Variants in GPR63 observed in about 807,000 individuals in gnomAD.
GPR63 encodes G protein-coupled receptor 63, also known as probable G protein-coupled receptor 63.
In GPR63, 12 loss-of-function variants were observed where a neutral mutation model predicts 23.1. That is an observed-to-expected ratio of 0.52 (90% CI 0.33 to 0.84). GPR63 has a LOEUF of 0.84. Among genes scored for constraint, GPR63 ranks in the 40% least tolerant of loss-of-function variants. GPR63 has a pLI of 0.02. For missense variants in GPR63, 472 were observed against 515.6 expected, an observed-to-expected ratio of 0.92 and a Z score of 0.82; for synonymous variants, 172 against 191.1, an observed-to-expected ratio of 0.90 and a Z score of 0.82.
intron 1 of GPR63, among the ~76,000 whole-genome samples, chr6:96,809,082 T>C (rs1773974650): frequency 6.6e-6 from 1 of 152,076 alleles, no homozygotes; most frequent in South Asian, 2.1e-4. Context: ...TTATTTTGAC[T>C]GTATCTCTAC....
intron 1 of GPR63, among the ~76,000 whole-genome samples, chr6:96,827,492 T>A (rs756691441): frequency 1.3e-5 from 2 of 152,144 alleles, no homozygotes; most frequent in Non-Finnish European, 2.9e-5. Context: ...GTTTCCAGAA[T>A]TCCTGAAAAA....
chr6:96,835,341 G>C (rs1774698163), intron 1 of GPR63, among the ~76,000 whole-genome samples: 1 of 151,790 alleles, frequency 6.6e-6, no homozygotes, highest in African/African-American at 2.4e-5. Context: ...TACAGATATG[G>C]TATATATAGT....
chr6:96,810,497 GAA>G (rs5878448), intron 1 of GPR63, among the ~76,000 whole-genome samples: 36,365 of 126,506 alleles, frequency 0.29, 4,578 homozygotes, highest in Admixed American at 0.35. Flanking sequence ...TCCGTCCCAG[GAA>G]AAAAAAAAAA....
chr6:96,799,737 C>CA lies in GPR63; in HGVS notation c.-7dup, dbSNP rs921263308. ...AACACTGCCGAGAAGACCATGGTTTCAGTAGGATGGAAGATGCAAGCAGAG... is the reference window on the plus strand; with the variant it reads ...AACACTGCCGAGAAGACCATGGTTTCAAGTAGGATGGAAGATGCAAGCAGAG... On this transcript the variant is annotated 5_prime_UTR_variant, in exon 2 of 2. An upstream open reading frame in the 5' UTR loses its in-frame stop. Coordinates refer to ENST00000229955, the MANE Select transcript of GPR63 (RefSeq NM_030784.4). The CA allele has an allele frequency of 6.2e-7, 1 of 1,614,062 alleles. No homozygotes were observed. Among genetic ancestry groups the CA allele is most frequent in the African/African-American group, 1.3e-5 (1 of 75,012 alleles).
At chr6:96,819,845 G>C (rs553291648) in intron 1 of GPR63, among the ~76,000 whole-genome samples, 45 of 151,176 alleles carry the variant, frequency 3.0e-4, no homozygotes, top group Non-Finnish European at 5.8e-4. Flanking sequence ...GCGTGGTGGC[G>C]GGCGCCTGTA....
chr6:96,807,708 A>ACTT, intron 1 of GPR63, among the ~76,000 whole-genome samples: 2 of 152,224 alleles, frequency 1.3e-5, no homozygotes, highest in Non-Finnish European at 2.9e-5. Flanking sequence ...CCAGAAGCAT[A>ACTT]AAGGAATAGA....
intron 1 of GPR63, among the ~76,000 whole-genome samples, chr6:96,817,731 G>A (rs767823354): frequency 1.1e-4 from 17 of 151,776 alleles, no homozygotes; most frequent in Admixed American, 3.9e-4. Context: ...ACAAAAGACA[G>A]ACACAAATAT....
rs538288426 is a variant in GPR63 at position 96,806,077 on chromosome 6, C to T, written c.-150-6196G>A. Among the ~76,000 whole-genome samples the T allele has an allele frequency of 7.2e-5, 11 of 152,254 alleles. No homozygotes were observed. The East Asian group carries it at 1.2e-3, about 16-fold the overall frequency. ...TCAGGGCTCTGTCAAGTCTCCAGCA[C>T]GCTATCATAATCTCGTTCACAGGGA... On this transcript the variant is annotated intron_variant, in intron 1 of 1. Coordinates refer to ENST00000229955, the MANE Select transcript of GPR63 (RefSeq NM_030784.4).
At chr6:96,814,547 G>A (rs1210526090) in intron 1 of GPR63, among the ~76,000 whole-genome samples, 1 of 152,112 alleles carries the variant, frequency 6.6e-6, no homozygotes, top group Non-Finnish European at 1.5e-5. Flanking sequence ...CAGCTGGTGG[G>A]AGGACCGTGA....
rs569464867 is a variant in GPR63, at chr6:96,798,266, A to G, written c.*206T>C. 1.6e-5 allele frequency: 9 copies of G among 546,372 alleles called. No individual in the cohort carries two copies. In the South Asian group the frequency reaches 3.3e-4, roughly 20 times the overall value. 33.8% of individuals were successfully genotyped at this position (546,372 alleles called of 1,614,324 possible). On this transcript the variant is annotated 3_prime_UTR_variant, in exon 2 of 2. Coordinates refer to ENST00000229955, the MANE Select transcript of GPR63 (RefSeq NM_030784.4). Reference sequence around the variant, plus strand: ...TCCTCACCCTAAATTGAGGATTTCTATTGAACCCTGGAGGTAATATTTGTA... The same window carrying G: ...TCCTCACCCTAAATTGAGGATTTCTGTTGAACCCTGGAGGTAATATTTGTA...
intron 1 of GPR63, among the ~76,000 whole-genome samples, chr6:96,823,950 A>G (rs1052747627): frequency 5.3e-5 from 8 of 152,118 alleles, no homozygotes; most frequent in African/African-American, 2.4e-5. Context: ...AGTGCACACT[A>G]TGACGTTAAC....
intron 1 of GPR63, among the ~76,000 whole-genome samples, chr6:96,829,958 T>C (rs1016163188): frequency 6.6e-6 from 1 of 152,196 alleles, no homozygotes; most frequent in Admixed American, 6.5e-5. Flanking sequence ...ATACATTATA[T>C]ACAATAAATT....
In GPR63 at chr6:96,799,467, T is replaced by A; in HGVS notation, c.265A>T (p.Ile89Leu). 6.2e-7 allele frequency: 1 copy of A among 1,613,960 alleles called. No homozygotes were observed. The highest frequency in any genetic ancestry group is 1.3e-5 in the African/African-American group (1 of 74,970). Residue 89 changes from isoleucine to leucine, a missense_variant, in exon 2 of 2, where the codon ATA becomes TTA. By Grantham distance (5) the Ile-to-Leu change is conservative (BLOSUM62 2). Coordinates refer to ENST00000229955, the MANE Select transcript of GPR63 (RefSeq NM_030784.4). Reference sequence around the variant, plus strand: ...AGAAAAGACACAAACAGAATGAATATCATTATAGCAGAAAGGGTGATCTGA... The same window carrying A: ...AGAAAAGACACAAACAGAATGAATAACATTATAGCAGAAAGGGTGATCTGA... ...PLQITLSAIM[I>L]FILFVSFLGN...
intron 1 of GPR63, among the ~76,000 whole-genome samples, chr6:96,821,434 A>G (rs960891024): frequency 6.6e-6 from 1 of 152,130 alleles, no homozygotes; most frequent in Non-Finnish European, 1.5e-5. Context: ...CTCTTCCTCT[A>G]ACTCACCCTT....
At chr6:96,827,045 C>CT (rs1774457015) in intron 1 of GPR63, among the ~76,000 whole-genome samples, 1 of 76,574 alleles carries the variant, frequency 1.3e-5, no homozygotes. Flanking sequence ...TGAACACAGT[C>CT]TAAAAAAAAA....
rs144906326 is a variant in GPR63 at position 96,820,240 on chromosome 6, C to T, written c.-151+17028G>A. On this transcript the variant is annotated intron_variant, in intron 1 of 1. Transcript: ENST00000229955. ...TTAAGACAGCAAAATAAGCATTCTCCGGCCTATCTCATCATGCCTGCTGTC... is the reference window on the plus strand; with the variant it reads ...TTAAGACAGCAAAATAAGCATTCTCTGGCCTATCTCATCATGCCTGCTGTC... Among the ~76,000 whole-genome samples, 20 of 152,192 alleles carry T rather than the reference C, an allele frequency of 1.3e-4. No individual in the cohort carries two copies. The East Asian group carries it at 1.4e-3, about 10-fold the overall frequency.
Position 96,798,953 on chromosome 6 carries a change from T to A in GPR63, c.779A>T (p.Tyr260Phe). 6.2e-7 allele frequency: 1 copy of A among 1,613,948 alleles called. No individual in the cohort carries two copies. The highest frequency in any genetic ancestry group is 1.7e-5 in the Admixed American group (1 of 59,980). ...GGTGTTGAGTATGCCCATAAATGAG[T>A]ACAGTATTACCAGGAAGGGTATGAA... Reference protein sequence around the residue: ...SFFIPFLVILYSFMGILNTLR... With the variant: ...SFFIPFLVILFSFMGILNTLR... Residue 260 changes from tyrosine (Y) to phenylalanine (F), a missense_variant, in exon 2 of 2, where the codon TAC (tyrosine) becomes TTC (phenylalanine). Physicochemically the swap from Tyr to Phe is conservative, Grantham distance 22. Coordinates refer to ENST00000229955, the MANE Select transcript of GPR63 (RefSeq NM_030784.4).
rs1774768521 is a variant in GPR63 at position 96,837,467 on chromosome 6, G to GAGCTGA, written c.-356_-351dup. 1 of 153,454 alleles carries GAGCTGA rather than the reference G, an allele frequency of 6.5e-6. No homozygotes were observed. The highest frequency in any genetic ancestry group is 1.5e-5 in the Non-Finnish European group (1 of 68,852). 9.5% of individuals were successfully genotyped at this position (153,454 alleles called of 1,614,324 possible). ...ATACAGGCGGCGGTGGCGGGAGCTG[G>GAGCTGA]AGCTGAAAGTGAGGAGCATCGCGGA... On this transcript the variant is annotated 5_prime_UTR_variant, in exon 1 of 2. Transcript: ENST00000229955.
intron 1 of GPR63, among the ~76,000 whole-genome samples, chr6:96,835,718 G>A (rs1774709898): frequency 6.6e-6 from 1 of 151,970 alleles, no homozygotes; most frequent in Non-Finnish European, 1.5e-5. Context: ...TTGAGTTTCG[G>A]TACTGGTATA....
Sources: allele counts gnomAD v4.1 joint callset (sites outside exome capture counted in the v4.1 genomes callset), GRCh38; gene constraint gnomAD v4.1.1; transcripts MANE v1.5; gene names NCBI Gene and HGNC (gene_info 2026-07-23, HGNC 2026-07-21).